USP12: variants seen among roughly 807,000 people sequenced by gnomAD.
USP12 encodes ubiquitin specific peptidase 12.
A neutral mutation model predicts 45.5 loss-of-function variants in USP12; 19 were observed. That is an observed-to-expected ratio of 0.42 (90% CI 0.29 to 0.61). USP12 has a LOEUF of 0.61. USP12 is among the 20% of genes least tolerant of loss of function. The pLI is 0.22. For missense variants in USP12, 242 were observed against 447.7 expected (o/e 0.54, Z 4.15); for synonymous variants, 149 against 148.8 (o/e 1.00, Z -0.01).
chr13:27,120,028 C>G (rs2137800476), intron 1 of USP12, among the ~76,000 whole-genome samples: 1 of 152,268 alleles, frequency 6.6e-6, no homozygotes, highest in East Asian at 1.9e-4. Flanking sequence ...CTGGTTTCTG[C>G]TAAGTTGTTT....
intron 1 of USP12, among the ~76,000 whole-genome samples, chr13:27,156,496 A>T (rs1341426244): frequency 2.0e-5 from 3 of 152,242 alleles, no homozygotes; most frequent in Non-Finnish European, 4.4e-5. Flanking sequence ...GGTAATTTCA[A>T]CAATGATTGG....
chr13:27,152,161 C>T (rs961179133), intron 1 of USP12, among the ~76,000 whole-genome samples: 1 of 152,170 alleles, frequency 6.6e-6, no homozygotes, highest in Admixed American at 6.5e-5. Context: ...AAACATATGT[C>T]CATAAAAAGC....
chr13:27,128,191 C>T (rs1876330182), intron 1 of USP12, among the ~76,000 whole-genome samples: 1 of 152,090 alleles, frequency 6.6e-6, no homozygotes, highest in South Asian at 2.1e-4. Context: ...GAACGAAAAA[C>T]AAGCTTTTGA....
intron 2 of USP12, among the ~76,000 whole-genome samples, chr13:27,114,946 C>T (rs1875654377): frequency 1.3e-5 from 2 of 152,152 alleles, no homozygotes; most frequent in Non-Finnish European, 1.5e-5. Flanking sequence ...GATGGCACCA[C>T]CACACTCCAG....
chr13:27,080,497 T>C (rs995287540), intron 6 of USP12, among the ~76,000 whole-genome samples: 4 of 152,142 alleles, frequency 2.6e-5, no homozygotes, highest in African/African-American at 7.2e-5. Context: ...TGGCCATGCA[T>C]GGATCTTCTT....
chr13:27,099,900 G>A (rs550561867), intron 3 of USP12, among the ~76,000 whole-genome samples: 135 of 152,270 alleles, frequency 8.9e-4, no homozygotes, highest in African/African-American at 3.1e-3. Flanking sequence ...TAAGAGCTCC[G>A]TACTAGCCTA....
Position 27,115,999 on chromosome 13 carries a change from C to G in USP12, c.129+517G>C, listed in dbSNP as rs56792204. Among the ~76,000 whole-genome samples, 67 of 152,252 alleles carry G rather than the reference C, an allele frequency of 4.4e-4. 1 individual carries two copies. The East Asian group carries it at 0.011, about 25-fold the overall frequency. Reference sequence around the variant, plus strand: ...ATCAGATTGACAAGTTAGAAACTATCTATCTCCAAGATTTTAAGATGTCAG... The same window carrying G: ...ATCAGATTGACAAGTTAGAAACTATGTATCTCCAAGATTTTAAGATGTCAG... On this transcript the variant is annotated intron_variant, in intron 2 of 8. Coordinates refer to ENST00000282344, the MANE Select transcript of USP12 (RefSeq NM_182488.4).
chr13:27,075,289 T>C lies in USP12; in HGVS notation c.834A>G (p.Val278=). ...ACAGACGAAGTTCTAAAGGAAAAACTACCCGGTAAGAGAGTTTTGTATATC... is the reference window on the plus strand; with the variant it reads ...ACAGACGAAGTTCTAAAGGAAAAACCACCCGGTAAGAGAGTTTTGTATATC... ...LHRYTKLSYR[V]VFPLELRLFN... The change falls in exon 7 of 9, where the codon GTA becomes GTG. Residue 278 remains valine (V), a synonymous_variant. Transcript: ENST00000282344. 1.9e-6 allele frequency: 3 copies of C among 1,614,150 alleles called. No homozygotes were observed. Among genetic ancestry groups the C allele is most frequent in the Non-Finnish European group, 2.5e-6 (3 of 1,180,006 alleles).
In USP12 at chr13:27,075,914, C is replaced by T. The variant is rs555781864; in HGVS notation, c.735-526G>A. Among the ~76,000 whole-genome samples the T allele has an allele frequency of 2.0e-3, 301 of 151,820 alleles. 2 individuals are homozygous for T. The highest frequency in any genetic ancestry group is 2.6e-3 in the Non-Finnish European group (174 of 67,966). ...GCATAGTGGCAGGCGCCCATAGTCCCAGCTACTCGGGAAGCTGGGGCAGGA... is the reference window on the plus strand; with the variant it reads ...GCATAGTGGCAGGCGCCCATAGTCCTAGCTACTCGGGAAGCTGGGGCAGGA... On this transcript the variant is annotated intron_variant, in intron 6 of 8. Transcript: ENST00000282344.
rs530303307 is a variant in USP12 at position 27,138,338 on chromosome 13, T to C, written c.49-21742A>G. ...CTCAGAAAGAAAAATTTAACAAAGA[T>C]GTATGAACAAGTCTATTAAAGGCCT... On this transcript the variant is annotated intron_variant, in intron 1 of 8. Coordinates refer to ENST00000282344, the MANE Select transcript of USP12 (RefSeq NM_182488.4). Among the ~76,000 whole-genome samples, 3 of 152,244 alleles carry C rather than the reference T, an allele frequency of 2.0e-5. 1 individual carries two copies. Among genetic ancestry groups the C allele is most frequent in the African/African-American group, 4.8e-5 (2 of 41,542 alleles).
intron 1 of USP12, among the ~76,000 whole-genome samples, chr13:27,125,215 G>A (rs139919267): frequency 3.0e-4 from 46 of 152,194 alleles, no homozygotes; most frequent in African/African-American, 1.0e-3. Context: ...ATCACTCTAA[G>A]TTGAAATTTT....
rs192181012 is a variant in USP12 at position 27,128,335 on chromosome 13, A to C, written c.49-11739T>G. On this transcript the variant is annotated intron_variant, in intron 1 of 8. Coordinates refer to ENST00000282344, the MANE Select transcript of USP12 (RefSeq NM_182488.4). ...GTCAAGCCTTCACATTTGGCTTAAC[A>C]ATAACATCAAAAGGAAAATTCTCAA... Among the ~76,000 whole-genome samples, 1,071 of 152,338 alleles carry C rather than the reference A, an allele frequency of 7.0e-3. 8 individuals carry two copies. The highest frequency in any genetic ancestry group is 0.014 in the Middle Eastern group (4 of 294).
At position 27,171,755 on chromosome 13, in the gene USP12, C is replaced by T. The variant is rs895625877; in HGVS notation, c.-116G>A. The T allele has an allele frequency of 3.6e-5, 20 of 559,252 alleles. No individual in the cohort carries two copies. Among genetic ancestry groups the T allele is most frequent in the Non-Finnish European group, 4.4e-5 (19 of 431,150 alleles). 34.6% of individuals were successfully genotyped at this position (559,252 alleles called of 1,614,324 possible). On this transcript the variant is annotated 5_prime_UTR_variant, in exon 1 of 9. Transcript: ENST00000282344. ...GGCGGACCCCGAGCCGCCGCGGACC[C>T]AACCACCGAGCCCGCTGGGCCGCCG...
At chr13:27,162,418 T>C (rs1050787050) in intron 1 of USP12, among the ~76,000 whole-genome samples, 1 of 152,322 alleles carries the variant, frequency 6.6e-6, no homozygotes, top group Non-Finnish European at 1.5e-5. Context: ...CGAGTTTGCA[T>C]GTCTAGAAAT....
At chr13:27,097,413 C>T (rs917574758) in intron 3 of USP12, among the ~76,000 whole-genome samples, 2 of 152,114 alleles carry the variant, frequency 1.3e-5, no homozygotes, top group Non-Finnish European at 2.9e-5. Flanking sequence ...TGCAGTGAGC[C>T]GAGATTGCGC....
chr13:27,108,459 A>G (rs1875259926), intron 2 of USP12, among the ~76,000 whole-genome samples: 2 of 151,808 alleles, frequency 1.3e-5, no homozygotes, highest in Non-Finnish European at 2.9e-5. Context: ...GGTGCAGCAC[A>G]CCAGCATGGC....
chr13:27,068,417 ATC>A lies in USP12; in HGVS notation c.*864_*865del, dbSNP rs1873091266. ...CAGTTCCTCCTGAAAAAGGATATTT[ATC>A]TCCTCTCACTGCAGTTTTTCTCAAG... On this transcript the variant is annotated 3_prime_UTR_variant, in exon 9 of 9. Coordinates refer to ENST00000282344, the MANE Select transcript of USP12 (RefSeq NM_182488.4). 6.6e-6 allele frequency: 1 copy of A among 152,558 alleles called. No homozygotes were observed. The highest frequency in any genetic ancestry group is 2.4e-5 in the African/African-American group (1 of 41,460). 9.5% of individuals were successfully genotyped at this position (152,558 alleles called of 1,614,324 possible). A position where few individuals can be genotyped will look rare whatever the true frequency, so the allele number is the denominator to read the frequency against.
At chr13:27,118,658 G>A (rs902695725) in intron 1 of USP12, among the ~76,000 whole-genome samples, 1 of 152,068 alleles carries the variant, frequency 6.6e-6, no homozygotes, top group African/African-American at 2.4e-5. Flanking sequence ...ATTCAAATGA[G>A]TATAATCCTT....
chr13:27,139,354 G>A (rs897324849), intron 1 of USP12, among the ~76,000 whole-genome samples: 1 of 152,178 alleles, frequency 6.6e-6, no homozygotes, highest in Admixed American at 6.5e-5. Flanking sequence ...GGTGGCTTAC[G>A]CCTGTAATGC....
Sources: gnomAD v4.1 joint callset for allele counts (sites outside exome capture counted in the v4.1 genomes callset) on GRCh38, gnomAD v4.1.1 for gene constraint, MANE v1.5 for transcripts, NCBI Gene and HGNC (gene_info 2026-07-23, HGNC 2026-07-21) for gene names.